The following EPHA6 variants were observed in gnomAD, a reference collection of about 807,000 sequenced individuals.
EPHA6 encodes ephrin type-A receptor 6.
Under a neutral mutation model 112.0 loss-of-function variants are expected in EPHA6, and 50 were observed. The ratio of observed to expected loss-of-function variants is 0.45; its 90% CI spans 0.36 to 0.56. EPHA6 has a LOEUF of 0.56. EPHA6 is among the 20% of genes least tolerant of loss of function. EPHA6 has a pLI of 0.00. For synonymous variants in EPHA6, 529 were observed against 490.7 expected, an observed-to-expected ratio of 1.08 and a Z score of -1.03; for missense variants, 1,280 against 1,417.4, an observed-to-expected ratio of 0.90 and a Z score of 1.56.
chr3:97,225,117 A>G (rs567386066), intron 3 of EPHA6, among the ~76,000 whole-genome samples: 8 of 152,072 alleles, frequency 5.3e-5, no homozygotes, highest in Admixed American at 4.6e-4. Context: ...CACCACGCCC[A>G]GCTGATCTTT....
intron 3 of EPHA6, among the ~76,000 whole-genome samples, chr3:97,059,745 G>T (rs180988558): frequency 1.3e-3 from 196 of 150,450 alleles, no homozygotes; most frequent in Admixed American, 4.2e-3. Context: ...ACTTTCAAAA[G>T]AATTTATAAT....
At chr3:97,219,936 C>T (rs1166072602) in intron 3 of EPHA6, among the ~76,000 whole-genome samples, 1 of 152,180 alleles carries the variant, frequency 6.6e-6, no homozygotes, top group South Asian at 2.1e-4. Context: ...TTTAAGAGCA[C>T]CCAAGTAACA....
intron 15 of EPHA6, among the ~76,000 whole-genome samples, chr3:97,722,050 C>T (rs1308881485): frequency 2.0e-5 from 3 of 152,132 alleles, no homozygotes; most frequent in Non-Finnish European, 4.4e-5. Flanking sequence ...AATAAAAAGT[C>T]CTTCTCCTCC....
At chr3:97,336,470 T>C (rs1277744325) in intron 5 of EPHA6, among the ~76,000 whole-genome samples, 1 of 152,184 alleles carries the variant, frequency 6.6e-6, no homozygotes, top group African/African-American at 2.4e-5. Context: ...AGTCATTGAT[T>C]TCTGTGAGGG....
intron 5 of EPHA6, among the ~76,000 whole-genome samples, chr3:97,335,377 A>T (rs536498441): frequency 6.6e-6 from 1 of 152,302 alleles, no homozygotes; most frequent in South Asian, 2.1e-4. Flanking sequence ...TGAGGAACAA[A>T]AAATTGTTTT....
intron 14 of EPHA6, among the ~76,000 whole-genome samples, chr3:97,651,581 T>C (rs1333363664): frequency 6.6e-6 from 1 of 152,080 alleles, no homozygotes; most frequent in African/African-American, 2.4e-5. Context: ...GTTCTCAAGA[T>C]ATTTTCCGTA....
chr3:96,879,013 G>T (rs758040377), intron 2 of EPHA6, among the ~76,000 whole-genome samples: 1 of 151,824 alleles, frequency 6.6e-6, no homozygotes, highest in African/African-American at 2.4e-5. Context: ...TATATTTCAC[G>T]CAATATACAG....
intron 3 of EPHA6, among the ~76,000 whole-genome samples, chr3:97,113,291 G>A (rs2047777892): frequency 6.6e-6 from 1 of 152,098 alleles, no homozygotes; most frequent in South Asian, 2.1e-4. Context: ...ATCCTCTAGT[G>A]AATAACATCT....
At chr3:96,934,442 T>C (rs918025495) in intron 2 of EPHA6, among the ~76,000 whole-genome samples, 1 of 151,768 alleles carries the variant, frequency 6.6e-6, no homozygotes, top group African/African-American at 2.4e-5. Flanking sequence ...TCCAGAACTA[T>C]TTTTTCTGCA....
intron 5 of EPHA6, among the ~76,000 whole-genome samples, chr3:97,262,258 A>C (rs1182017588): frequency 6.6e-6 from 1 of 152,116 alleles, no homozygotes; most frequent in Non-Finnish European, 1.5e-5. Flanking sequence ...GCAGGCTATA[A>C]ATTGAAGGAG....
At chr3:97,331,769 A>T (rs966854252) in intron 5 of EPHA6, among the ~76,000 whole-genome samples, 2 of 152,182 alleles carry the variant, frequency 1.3e-5, no homozygotes, top group Admixed American at 1.3e-4. Flanking sequence ...TACCAACCAA[A>T]AAAAGTCCAG....
rs577412173 is a variant in EPHA6 at position 97,538,501 on chromosome 3, G to C, written c.2386+5958G>C. 1.9e-3 allele frequency among the ~76,000 whole-genome samples: 290 copies of C among 152,212 alleles called. 3 individuals are homozygous for C. Among genetic ancestry groups the C allele is most frequent in the African/African-American group, 6.8e-3 (282 of 41,534 alleles). ...CCAGAATGTCCCTGGAGCCTGAGTG[G>C]GCTGCAGGTTCAAAAGAAGGAGAAC... On this transcript the variant is annotated intron_variant, in intron 11 of 17. Transcript: ENST00000389672.
intron 3 of EPHA6, among the ~76,000 whole-genome samples, chr3:97,072,492 A>T (rs916604996): frequency 1.6e-4 from 25 of 152,208 alleles, no homozygotes; most frequent in African/African-American, 5.5e-4. Flanking sequence ...GTTAGAAGGC[A>T]CCAACCCTGC....
At chr3:97,441,550 T>G (rs1378371983) in intron 6 of EPHA6, 1 of 464,038 alleles carries the variant, frequency 2.2e-6, no homozygotes, top group Non-Finnish European at 2.8e-6. Flanking sequence ...AAAGTTTCTG[T>G]TTTTACTGTT....
At chr3:97,558,554 C>T (rs935492995) in intron 11 of EPHA6, among the ~76,000 whole-genome samples, 2 of 151,990 alleles carry the variant, frequency 1.3e-5, no homozygotes, top group African/African-American at 2.4e-5. Context: ...TTCTGCTACA[C>T]CTCCACCTTC....
intron 11 of EPHA6, among the ~76,000 whole-genome samples, chr3:97,570,174 TAAAA>T (rs1024991386): frequency 1.3e-5 from 2 of 152,182 alleles, no homozygotes; most frequent in Non-Finnish European, 2.9e-5. Flanking sequence ...TAAAAATAAT[TAAAA>T]TAAAATATTC....
chr3:97,224,143 A>G (rs567297423), intron 3 of EPHA6, among the ~76,000 whole-genome samples: 43 of 152,148 alleles, frequency 2.8e-4, no homozygotes, highest in Admixed American at 1.0e-3. Flanking sequence ...ATTAAAATAT[A>G]ATTTCACCTG....
At chr3:96,832,623 C>T (rs1011928346) in intron 1 of EPHA6, among the ~76,000 whole-genome samples, 1 of 151,982 alleles carries the variant, frequency 6.6e-6, no homozygotes, top group African/African-American at 2.4e-5. Context: ...AAACTTGTGC[C>T]ACACAATATT....
chr3:97,065,419 C>T (rs1190658062), intron 3 of EPHA6, among the ~76,000 whole-genome samples: 2 of 152,024 alleles, frequency 1.3e-5, no homozygotes, highest in Non-Finnish European at 2.9e-5. Context: ...TATTAGATGC[C>T]TTTTATTTTA....
Sources: allele counts gnomAD v4.1 joint callset (sites outside exome capture counted in the v4.1 genomes callset), GRCh38; gene constraint gnomAD v4.1.1; transcripts MANE v1.5; gene names NCBI Gene and HGNC (gene_info 2026-07-23, HGNC 2026-07-21).